The following MRPS25 variants were observed in gnomAD, a reference collection of about 807,000 sequenced individuals.
MRPS25 encodes mitochondrial ribosomal protein S25, also known as small ribosomal subunit protein mS25.
MRPS25 carries 15 observed loss-of-function variants against 17.3 expected under a neutral mutation model. That is an observed-to-expected ratio of 0.87 (90% confidence interval 0.58 to 1.34). The LOEUF is 1.34. Among genes scored for constraint, MRPS25 ranks in the 40% most tolerant of loss-of-function variants. MRPS25 has a pLI of 0.00. For synonymous variants in MRPS25, 94 were observed against 83.3 expected (o/e 1.13, Z -0.70); for missense variants, 225 against 218.6 (o/e 1.03, Z -0.19).
intron 2 of MRPS25, among the ~76,000 whole-genome samples, chr3:15,055,901 G>T (rs1045887600): frequency 1.4e-5 from 2 of 142,538 alleles, no homozygotes; most frequent in African/African-American, 5.2e-5. Flanking sequence ...AAAGCAGCCC[G>T]TTTTTTTTTT....
chr3:15,053,009 G>A (rs2042625341), intron 3 of MRPS25, among the ~76,000 whole-genome samples: 1 of 150,398 alleles, frequency 6.6e-6, no homozygotes, highest in Non-Finnish European at 1.5e-5. Flanking sequence ...CTCATTCATG[G>A]AAAGAAAGAC....
chr3:15,053,869 A>G (rs895694219), intron 2 of MRPS25, among the ~76,000 whole-genome samples: 1 of 152,226 alleles, frequency 6.6e-6, no homozygotes, highest in African/African-American at 2.4e-5. Flanking sequence ...GAGCCAAAAC[A>G]ATTCTAAAAA....
In MRPS25 at chr3:15,049,197, C is replaced by T. The variant is rs2042561001; in HGVS notation, c.*3244G>A. On this transcript the variant is annotated 3_prime_UTR_variant, in exon 4 of 4. Coordinates refer to ENST00000253686, the MANE Select transcript of MRPS25 (RefSeq NM_022497.5). ...TTATGCATTTTATTAAATGCTGTTT[C>T]AATGTGGCATTATTGTTGTGGCTTA... is the stretch of plus-strand genomic sequence containing the variant. 6.6e-6 allele frequency: 1 copy of T among 152,602 alleles called. No homozygotes were observed. The highest frequency in any genetic ancestry group is 2.1e-4 in the South Asian group (1 of 4,834). 9.5% of individuals were successfully genotyped at this position (152,602 alleles called of 1,614,324 possible).
rs537616869 is a variant in MRPS25 at position 15,051,003 on chromosome 3, G to A, written c.*1438C>T. The A allele has an allele frequency of 4.3e-5, 42 of 984,378 alleles. No homozygotes were observed. In the South Asian group the frequency reaches 1.9e-3, roughly 44 times the overall value. 61.0% of individuals were successfully genotyped at this position (984,378 alleles called of 1,614,324 possible). On this transcript the variant is annotated 3_prime_UTR_variant, in exon 4 of 4. Transcript: ENST00000253686. ...AGTTACAGACCTGGAAAGCTTTTAG[G>A]ACTTGACCAAGGCCCCAGCAGGTAG...
At chr3:15,060,797 T>C (rs1316696120) in intron 1 of MRPS25, among the ~76,000 whole-genome samples, 1 of 151,882 alleles carries the variant, frequency 6.6e-6, no homozygotes, top group Non-Finnish European at 1.5e-5. Flanking sequence ...AGGAGAATGG[T>C]GTGAATCCAG....
At chr3:15,048,032 GA>G (rs2042517184), downstream of MRPS25, 1 of 152,590 alleles carries the variant, frequency 6.6e-6, no homozygotes, top group South Asian at 2.1e-4. Context: ...ATAGACCTGG[GA>G]AGCAGGGGCC....
At position 15,059,433 on chromosome 3, in the gene MRPS25, G is replaced by A; in HGVS notation, c.177C>T (p.Asn59=). 1 of 1,613,774 alleles carries A rather than the reference G, an allele frequency of 6.2e-7. No individual in the cohort carries two copies. ...TAAACATCATGATCTGCACCCAAGG[G>A]TTTTTGTATTGAATCTGAGGTATGT... The part of the protein sequence containing the change: ...FFNIPQIQYK[N]PWVQIMMFKN... The change falls in exon 2 of 4, where the codon AAC becomes AAT. Residue 59 remains asparagine, a synonymous_variant. Transcript: ENST00000253686.
chr3:15,062,629 G>C (rs1255487805), intron 1 of MRPS25, among the ~76,000 whole-genome samples: 2 of 152,296 alleles, frequency 1.3e-5, no homozygotes, highest in East Asian at 3.9e-4. Flanking sequence ...AATAGAAAGG[G>C]GGGAAAGGTG....
chr3:15,042,819 C>G (rs781479344), downstream of MRPS25: 3 of 1,610,270 alleles, frequency 1.9e-6, no homozygotes, highest in African/African-American at 2.7e-5. Flanking sequence ...TTTCTAATGA[C>G]ACTCCCTTTT....
In MRPS25 at chr3:15,050,142, A is replaced by G; in HGVS notation, c.*2299T>C. On this transcript the variant is annotated 3_prime_UTR_variant, in exon 4 of 4. Coordinates refer to ENST00000253686, the MANE Select transcript of MRPS25 (RefSeq NM_022497.5). ...TTTAAAGAGAAACTATCCAGGATCA[A>G]GTAGCCTACAGGGAACAAAAAAAGA... The G allele has an allele frequency of 7.4e-7, 1 of 1,351,474 alleles. No homozygotes were observed. Among genetic ancestry groups the G allele is most frequent in the East Asian group, 3.3e-5 (1 of 30,486 alleles). The allele number at this position is 1,351,474 out of a possible 1,614,324, so 83.7% of individuals were successfully genotyped here.
intron 1 of MRPS25, among the ~76,000 whole-genome samples, chr3:15,064,114 G>C (rs2042820612): frequency 6.6e-6 from 1 of 152,050 alleles, no homozygotes; most frequent in Non-Finnish European, 1.5e-5. Context: ...GTTGCTCCCC[G>C]CCCCCACGCC....
chr3:15,055,366 C>G (rs58288089), intron 2 of MRPS25, among the ~76,000 whole-genome samples: 2,949 of 152,160 alleles, frequency 0.019, 92 homozygotes, highest in African/African-American at 0.067. Flanking sequence ...AATAAGCATA[C>G]GAAATGATGA....
intron 1 of MRPS25, among the ~76,000 whole-genome samples, chr3:15,061,225 GTCTCCC>G (rs2042750586): frequency 6.6e-6 from 1 of 151,820 alleles, no homozygotes; most frequent in Non-Finnish European, 1.5e-5. Flanking sequence ...TCTCCCCACG[GTCTCCC>G]TCTCCCTCTT....
chr3:15,063,782 C>A (rs1419839919), intron 1 of MRPS25, among the ~76,000 whole-genome samples: 1 of 152,034 alleles, frequency 6.6e-6, no homozygotes, highest in Non-Finnish European at 1.5e-5. Context: ...AGTGAAGGGC[C>A]CTCTGGATAG....
chr3:15,051,877 T>A lies in MRPS25; in HGVS notation c.*564A>T. ...GGCTCCTCCATCTCTGGCCCATGGCTAGGCCCCCCAGCAGGCAAGGGTAAT... is the reference window on the plus strand; with the variant it reads ...GGCTCCTCCATCTCTGGCCCATGGCAAGGCCCCCCAGCAGGCAAGGGTAAT... On this transcript the variant is annotated 3_prime_UTR_variant, in exon 4 of 4. Coordinates refer to ENST00000253686, the MANE Select transcript of MRPS25 (RefSeq NM_022497.5). 1.0e-6 allele frequency: 1 copy of A among 985,416 alleles called. No homozygotes were observed. Among genetic ancestry groups the A allele is most frequent in the Non-Finnish European group, 1.2e-6 (1 of 829,972 alleles). 61.0% of individuals were successfully genotyped at this position (985,416 alleles called of 1,614,324 possible). A position where few individuals can be genotyped will look rare whatever the true frequency, so the allele number is the denominator to read the frequency against.
At chr3:15,060,078 G>A (rs905138730) in intron 1 of MRPS25, among the ~76,000 whole-genome samples, 2 of 151,910 alleles carry the variant, frequency 1.3e-5, no homozygotes, top group African/African-American at 2.4e-5. Context: ...GCTGAATATC[G>A]TCCTGTACAA....
downstream of MRPS25, chr3:15,044,854 T>C (rs556939399): frequency 2.8e-4 from 42 of 152,376 alleles, 1 homozygote; most frequent in Admixed American, 2.0e-3. Context: ...AGCAGCACTT[T>C]ACGCAAGTCA....
intron 3 of MRPS25, chr3:15,053,159 C>A: frequency 1.9e-6 from 2 of 1,080,022 alleles, no homozygotes; most frequent in Non-Finnish European, 2.5e-6. Flanking sequence ...AGAGGTACTT[C>A]TCACACTGTA....
intron 2 of MRPS25, among the ~76,000 whole-genome samples, chr3:15,055,796 C>T (rs963345661): frequency 1.3e-5 from 2 of 151,322 alleles, no homozygotes; most frequent in African/African-American, 4.9e-5. Context: ...AAAGACACCA[C>T]TAAGAAAATG....
Sources: gnomAD v4.1 joint callset for allele counts (sites outside exome capture counted in the v4.1 genomes callset) on GRCh38, gnomAD v4.1.1 for gene constraint, MANE v1.5 for transcripts, NCBI Gene and HGNC (gene_info 2026-07-23, HGNC 2026-07-21) for gene names.